Variants in RABEP1 observed in about 807,000 individuals in gnomAD.
The protein encoded by RABEP1 is rabaptin, RAB GTPase binding effector protein 1.
Under a neutral mutation model 123.4 loss-of-function variants are expected in RABEP1, and 51 were observed. That is an observed-to-expected ratio of 0.41 (90% CI 0.33 to 0.52). The LOEUF (loss-of-function observed/expected upper bound fraction) is 0.52. Among genes scored for constraint, RABEP1 ranks in the 20% least tolerant of loss-of-function variants. The pLI is 0.16. For synonymous variants in RABEP1, 347 were observed against 355.2 expected, an observed-to-expected ratio of 0.98 and a Z score of 0.26; for missense variants, 888 against 996.3, an observed-to-expected ratio of 0.89 and a Z score of 1.46.
intron 2 of RABEP1, among the ~76,000 whole-genome samples, chr17:5,327,004 T>C (rs1906042641): frequency 6.6e-6 from 1 of 152,180 alleles, no homozygotes; most frequent in Non-Finnish European, 1.5e-5. Flanking sequence ...AGCACGTTAC[T>C]GTACTGAATG....
intron 8 of RABEP1, 35 bp downstream of exon 8, chr17:5,354,525 A>T (rs1199456392): frequency 1.5e-5 from 24 of 1,561,144 alleles, no homozygotes; most frequent in Non-Finnish European, 2.1e-5. Flanking sequence ...CATTAAATAC[A>T]CAATGTCAAC....
At chr17:5,369,992 C>G (rs1910399777) in intron 12 of RABEP1, among the ~76,000 whole-genome samples, 2 of 152,224 alleles carry the variant, frequency 1.3e-5, no homozygotes, top group South Asian at 4.1e-4. Context: ...AGCCACTGTG[C>G]CCGGCCTCCT....
chr17:5,343,059 G>A (rs181265990), intron 5 of RABEP1, among the ~76,000 whole-genome samples: 1 of 151,520 alleles, frequency 6.6e-6, no homozygotes, highest in African/African-American at 2.4e-5. Context: ...CAGGAGTTCG[G>A]GACCAGCCTG....
intron 1 of RABEP1, 31 bp from the exon 2 acceptor site, chr17:5,308,663 T>C (rs770276273): frequency 3.3e-5 from 53 of 1,588,620 alleles, no homozygotes; most frequent in Middle Eastern, 1.7e-4. Context: ...ATAAAAGTTA[T>C]TACTTGTTAA....
chr17:5,308,040 T>A (rs1014863113), intron 1 of RABEP1, among the ~76,000 whole-genome samples: 2 of 152,192 alleles, frequency 1.3e-5, no homozygotes, highest in Admixed American at 1.3e-4. Context: ...TAGGTTCATT[T>A]GTGGGATAAG....
At position 5,328,669 on chromosome 17, in the gene RABEP1, A is replaced by AGC. The variant is rs1906206875; in HGVS notation, c.164-3280_164-3279insGC. ...TTAAAAAAAAAAAAAAAAAAAAAAA[A>AGC]AAGCCGGGCGCAGTGGCTCACGCCT... is the stretch of plus-strand genomic sequence containing the variant. On this transcript the variant is annotated intron_variant, in intron 2 of 17. Transcript: ENST00000537505. Among the ~76,000 whole-genome samples the AGC allele has an allele frequency of 7.7e-5, 11 of 142,948 alleles. No individual in the cohort carries two copies. In the South Asian group the frequency reaches 1.6e-3, roughly 20 times the overall value. The allele number at this position is 142,948 out of a possible 152,430, so 93.8% of individuals were successfully genotyped here.
intron 1 of RABEP1, among the ~76,000 whole-genome samples, chr17:5,282,891 GAAAA>G (rs2074941737): frequency 6.6e-6 from 1 of 151,920 alleles, no homozygotes; most frequent in South Asian, 2.1e-4. Flanking sequence ...ATTCGTTAAA[GAAAA>G]AAAATCTTAG....
chr17:5,385,406 C>T lies in RABEP1; in HGVS notation c.*2183C>T, dbSNP rs917065257. Reference sequence around the variant, plus strand: ...CATGTCTAACCTGATTTACCTCTTACCTGTAACCTACCTTATCATGTGGCT... The same window carrying T: ...CATGTCTAACCTGATTTACCTCTTATCTGTAACCTACCTTATCATGTGGCT... On this transcript the variant is annotated 3_prime_UTR_variant, in exon 18 of 18. Transcript: ENST00000537505. 3.0e-5 allele frequency: 7 copies of T among 229,978 alleles called. No homozygotes were observed. Among genetic ancestry groups the T allele is most frequent in the Non-Finnish European group, 6.0e-5 (7 of 116,330 alleles). 14.2% of individuals were successfully genotyped at this position (229,978 alleles called of 1,614,324 possible). A position where few individuals can be genotyped will look rare whatever the true frequency, so the allele number is the denominator to read the frequency against.
rs762360358 is a variant in RABEP1 at position 5,338,021 on chromosome 17, C to T, written c.531C>T (p.Ala177=). 8 of 1,611,294 alleles carry T rather than the reference C, an allele frequency of 5.0e-6. No individual in the cohort carries two copies. Among genetic ancestry groups the T allele is most frequent in the Non-Finnish European group, 6.8e-6 (8 of 1,178,780 alleles). Residue 177 remains alanine (A), a splice_region_variant and synonymous_variant, in exon 5 of 18, where the codon GCC becomes GCT. Coordinates refer to ENST00000537505, the MANE Select transcript of RABEP1 (RefSeq NM_004703.6). Reference sequence around the variant, plus strand: ...CATTTAATTCTTTTTAACCATAGGCCCAAGAGGATGCTGAGAAACTTCGGT... The same window carrying T: ...CATTTAATTCTTTTTAACCATAGGCTCAAGAGGATGCTGAGAAACTTCGGT... ...EENLENEMKK[A]QEDAEKLRSV...
chr17:5,299,480 A>G (rs1383086792), intron 1 of RABEP1, among the ~76,000 whole-genome samples: 1 of 151,174 alleles, frequency 6.6e-6, no homozygotes, highest in Non-Finnish European at 1.5e-5. Flanking sequence ...TTGAGGACTT[A>G]GTATTATGGA....
At chr17:5,343,699 A>G (rs1312212063) in intron 5 of RABEP1, among the ~76,000 whole-genome samples, 1 of 88,694 alleles carries the variant, frequency 1.1e-5, no homozygotes, top group East Asian at 3.8e-4. Context: ...TTTTTGAGTC[A>G]GGGTCTTGCT....
intron 1 of RABEP1, among the ~76,000 whole-genome samples, chr17:5,300,578 C>A (rs1048970175): frequency 6.6e-6 from 1 of 152,118 alleles, no homozygotes; most frequent in Admixed American, 6.5e-5. Flanking sequence ...TGTGCTCCCC[C>A]ATCCCCGTAT....
At chr17:5,343,057 C>T (rs1248655794) in intron 5 of RABEP1, among the ~76,000 whole-genome samples, 34 of 152,040 alleles carry the variant, frequency 2.2e-4, no homozygotes, top group Non-Finnish European at 4.3e-4. Flanking sequence ...GTCAGGAGTT[C>T]GGGACCAGCC....
chr17:5,372,678 G>A (rs1342151756), intron 12 of RABEP1, among the ~76,000 whole-genome samples: 1 of 152,198 alleles, frequency 6.6e-6, no homozygotes, highest in Non-Finnish European at 1.5e-5. Flanking sequence ...GTCTGATATA[G>A]GTCTTGATGG....
At chr17:5,344,315 A>G (rs901990152) in intron 5 of RABEP1, among the ~76,000 whole-genome samples, 61 of 139,770 alleles carry the variant, frequency 4.4e-4, no homozygotes, top group Admixed American at 2.1e-3. Context: ...GTGCACGCCT[A>G]TAATCCCAGC....
At chr17:5,298,095 C>G (rs1255704597) in intron 1 of RABEP1, among the ~76,000 whole-genome samples, 3 of 152,162 alleles carry the variant, frequency 2.0e-5, no homozygotes, top group Non-Finnish European at 4.4e-5. Flanking sequence ...TATGACCTTG[C>G]TATTTCGGAA....
chr17:5,373,500 C>T, intron 13 of RABEP1, 46 bp downstream of exon 13: 2 of 1,548,458 alleles, frequency 1.3e-6, no homozygotes, highest in East Asian at 4.6e-5. Flanking sequence ...AGTACGTTTT[C>T]TGAAATGGCC....
chr17:5,367,230 C>G (rs933485023), intron 11 of RABEP1, among the ~76,000 whole-genome samples: 1 of 147,792 alleles, frequency 6.8e-6, no homozygotes, highest in Non-Finnish European at 1.5e-5. Context: ...ATCTAAAATT[C>G]CTCTAGAACT....
At chr17:5,381,953 G>A (rs1007290682) in intron 17 of RABEP1, among the ~76,000 whole-genome samples, 2 of 152,116 alleles carry the variant, frequency 1.3e-5, no homozygotes, top group African/African-American at 4.8e-5. Context: ...GCTCTTCTAG[G>A]TCCCTGAGCT....
Sources: gnomAD v4.1 joint callset for allele counts (sites outside exome capture counted in the v4.1 genomes callset) on GRCh38, gnomAD v4.1.1 for gene constraint, MANE v1.5 for transcripts, NCBI Gene and HGNC (gene_info 2026-07-23, HGNC 2026-07-21) for gene names.